The following KDM6A variants were observed in gnomAD, a reference collection of about 807,000 sequenced individuals.
The protein encoded by KDM6A is lysine demethylase 6A.
KDM6A carries 11 observed loss-of-function variants against 117.6 expected under a neutral mutation model. The ratio of observed to expected loss-of-function variants is 0.09; its 90% CI spans 0.06 to 0.15. The LOEUF is 0.15. KDM6A is among the 10% of genes least tolerant of loss of function. The pLI, the probability that KDM6A is intolerant of heterozygous loss-of-function variation, is 1.00. For synonymous variants in KDM6A, 384 were observed against 396.1 expected (o/e 0.97, Z 0.36); for missense variants, 799 against 1,077.3 (o/e 0.74, Z 3.62).
At chrX:45,046,703 T>C (rs1046718377) in intron 8 of KDM6A, among the ~76,000 whole-genome samples, 9 of 111,641 alleles carry the variant, frequency 8.1e-5, no homozygotes, top group Admixed American at 6.7e-4. Flanking sequence ...TAAGTTGATA[T>C]GGTAAAACAT....
chrX:45,070,595 A>G (rs1319135054), intron 18 of KDM6A, among the ~76,000 whole-genome samples: 5 of 110,691 alleles, frequency 4.5e-5, no homozygotes. Flanking sequence ...ACTGCCCTCT[A>G]CTGGTTACTA....
intron 2 of KDM6A, among the ~76,000 whole-genome samples, chrX:44,919,418 T>C (rs1420712869): frequency 2.7e-5 from 3 of 110,704 alleles, no homozygotes. Flanking sequence ...ATGATTAGAC[T>C]GGGGTTGCGA....
chrX:45,000,789 CAG>C (rs1569513549), intron 4 of KDM6A, among the ~76,000 whole-genome samples: 2 of 112,561 alleles, frequency 1.8e-5, no homozygotes, highest in African/African-American at 3.2e-5. Flanking sequence ...CGGGATATAG[CAG>C]AGAGAGCTTG....
At chrX:45,004,359 C>T (rs890561198) in intron 4 of KDM6A, among the ~76,000 whole-genome samples, 1 of 111,467 alleles carries the variant, frequency 9.0e-6, no homozygotes, top group African/African-American at 3.3e-5. Flanking sequence ...AGGTAGAAAA[C>T]GTAAGTTTTG....
chrX:45,024,354 A>G (rs1401231444), intron 6 of KDM6A, among the ~76,000 whole-genome samples: 2 of 111,700 alleles, frequency 1.8e-5, no homozygotes, highest in Non-Finnish European at 3.8e-5. Flanking sequence ...GTGGTATCGC[A>G]TTGTGGATTT....
chrX:44,990,410 C>T (rs1041040425), intron 4 of KDM6A, among the ~76,000 whole-genome samples: 15 of 110,139 alleles, frequency 1.4e-4, no homozygotes, highest in East Asian at 8.6e-4. Flanking sequence ...TGTGGTGGCA[C>T]GCGCTTGTAA....
chrX:45,016,683 A>G (rs2041985015), intron 5 of KDM6A, among the ~76,000 whole-genome samples: 1 of 110,487 alleles, frequency 9.1e-6, no homozygotes, highest in Admixed American at 9.7e-5. Flanking sequence ...TATTTTTAGT[A>G]GAGATGGGGT....
At chrX:44,929,627 C>A (rs1054779644) in intron 2 of KDM6A, among the ~76,000 whole-genome samples, 10 of 111,566 alleles carry the variant, frequency 9.0e-5, no homozygotes, top group Non-Finnish European at 1.9e-4. Flanking sequence ...TGTATGGACA[C>A]GTATTTGTTT....
rs1448080422 is a variant in KDM6A at position 44,886,269 on chromosome X, C to T, written c.225+12282C>T. On this transcript the variant is annotated intron_variant, in intron 2 of 29. Coordinates refer to ENST00000611820, the MANE Select transcript of KDM6A (RefSeq NM_001291415.2). Reference sequence around the variant, plus strand: ...TTCACTGTATTGGTCAGGCTGGTCTCGAACCCCTGACCTTGTGATCCGCCC... The same window carrying T: ...TTCACTGTATTGGTCAGGCTGGTCTTGAACCCCTGACCTTGTGATCCGCCC... Among the ~76,000 whole-genome samples, 8 of 109,904 alleles carry T rather than the reference C, an allele frequency of 7.3e-5. No individual in the cohort carries two copies. The South Asian group carries it at 1.2e-3, about 16-fold the overall frequency.
chrX:44,957,620 G>A (rs1008038946), intron 2 of KDM6A, among the ~76,000 whole-genome samples: 1 of 111,743 alleles, frequency 8.9e-6, no homozygotes, highest in African/African-American at 3.2e-5. Context: ...AGCTTTCTAC[G>A]TAGCTGGGAG....
At chrX:45,026,785 C>T (rs1175420766) in intron 6 of KDM6A, among the ~76,000 whole-genome samples, 1 of 102,104 alleles carries the variant, frequency 9.8e-6, no homozygotes, top group African/African-American at 3.7e-5. Flanking sequence ...GAGCTGAGAT[C>T]GCACCATTGC....
chrX:45,028,350 C>G (rs2042464488), intron 6 of KDM6A, among the ~76,000 whole-genome samples: 1 of 112,292 alleles, frequency 8.9e-6, no homozygotes, highest in Non-Finnish European at 1.9e-5. Flanking sequence ...GAAGAACATT[C>G]TTTTTTAGTA....
At chrX:45,087,696 AG>A (rs2045703431) in intron 25 of KDM6A, among the ~76,000 whole-genome samples, 1 of 112,231 alleles carries the variant, frequency 8.9e-6, no homozygotes, top group South Asian at 3.7e-4. Flanking sequence ...GTTTCTGAGT[AG>A]GGACTGGCTA....
At position 45,062,699 on chromosome X, in the gene KDM6A, T is replaced by G. The variant is rs1235361183; in HGVS notation, c.1634T>G (p.Leu545Arg). The change falls in exon 16 of 30, where the codon CTG (leucine) becomes CGG (arginine). Residue 545 changes from leucine to arginine, a missense_variant. By Grantham distance (102) the Leu-to-Arg change is moderately radical (BLOSUM62 -2). Transcript: ENST00000611820. The part of the protein sequence containing the change: ...NRNNLNPAQK[L>R]MLEQLESQFV... ...AATAATTTAAATCCAGCACAGAAAC[T>G]GATGCTGGAACAGCTGGAAAGTCAG... 2.1e-5 allele frequency: 25 copies of G among 1,206,603 alleles called. No homozygotes were observed. The highest frequency in any genetic ancestry group is 2.8e-5 in the Non-Finnish European group (25 of 891,871).
At chrX:44,885,615 G>A (rs113552424) in intron 2 of KDM6A, among the ~76,000 whole-genome samples, 18,477 of 109,472 alleles carry the variant, frequency 0.17, 2,347 homozygotes, top group African/African-American at 0.44. Flanking sequence ...TCACGCCTGT[G>A]ATCCCAGCAC....
In KDM6A at chrX:44,873,376, G is replaced by GCCGCCGCCGCCTTCA. The variant is rs1420060413; in HGVS notation, c.-165_-151dup. ...CGGGGGCTCCGCAGCCCCTGCCGCCGCCGCCGCCGCCTTCACCGCCGCCGC... is the reference window on the plus strand; with the variant it reads ...CGGGGGCTCCGCAGCCCCTGCCGCCGCCGCCGCCGCCTTCACCGCCGCCGCCTTCACCGCCGCCGC... On this transcript the variant is annotated 5_prime_UTR_variant, in exon 1 of 30. Coordinates refer to ENST00000611820, the MANE Select transcript of KDM6A (RefSeq NM_001291415.2). The GCCGCCGCCGCCTTCA allele has an allele frequency of 6.0e-6, 4 of 669,819 alleles. No homozygotes were observed. Among genetic ancestry groups the GCCGCCGCCGCCTTCA allele is most frequent in the Admixed American group, 4.2e-5 (1 of 23,818 alleles). The allele number at this position is 669,819 out of a possible 1,213,427, so 55.2% of individuals were successfully genotyped here.
chrX:44,958,604 CTTTTT>C (rs34006049), intron 2 of KDM6A, among the ~76,000 whole-genome samples: 121 of 56,441 alleles, frequency 2.1e-3, no homozygotes, highest in Middle Eastern at 0.012. Flanking sequence ...CTATATAGAC[CTTTTT>C]TTTTTTTTTT....
chrX:45,051,873 A>C, intron 9 of KDM6A, 71 bp downstream of exon 9: 1 of 590,337 alleles, frequency 1.7e-6, no homozygotes, highest in Non-Finnish European at 2.8e-6. Flanking sequence ...GAGTGTGGCA[A>C]ATATGTGGCT....
chrX:45,081,669 C>T (rs2045410645), intron 21 of KDM6A, among the ~76,000 whole-genome samples: 1 of 112,219 alleles, frequency 8.9e-6, no homozygotes, highest in Admixed American at 9.4e-5. Flanking sequence ...AGTTTTCTCT[C>T]CTCTTGAAAA....
Sources: gnomAD v4.1 joint callset for allele counts (sites outside exome capture counted in the v4.1 genomes callset) on GRCh38, gnomAD v4.1.1 for gene constraint, MANE v1.5 for transcripts, NCBI Gene and HGNC (gene_info 2026-07-23, HGNC 2026-07-21) for gene names.